CDK14: variants seen among roughly 807,000 people sequenced by gnomAD.
CDK14 encodes cyclin dependent kinase 14.
Under a neutral mutation model 60.7 loss-of-function variants are expected in CDK14, and 34 were observed. That is an observed-to-expected ratio of 0.56 (90% confidence interval 0.43 to 0.75). CDK14 has a LOEUF of 0.75. CDK14 is among the 30% of genes least tolerant of loss of function. The pLI, the probability that CDK14 is intolerant of heterozygous loss-of-function variation, is 0.00. For synonymous variants in CDK14, 197 were observed against 203.7 expected, an observed-to-expected ratio of 0.97 and a Z score of 0.28; for missense variants, 482 against 564.1, an observed-to-expected ratio of 0.85 and a Z score of 1.47.
intron 6 of CDK14, among the ~76,000 whole-genome samples, chr7:90,871,590 T>C (rs1281361899): frequency 6.6e-6 from 1 of 152,244 alleles, no homozygotes; most frequent in African/African-American, 2.4e-5. Flanking sequence ...TATGTTCACT[T>C]CTTTGAAATA....
intron 2 of CDK14, among the ~76,000 whole-genome samples, chr7:90,654,829 T>C (rs1045129864): frequency 2.6e-5 from 4 of 152,212 alleles, no homozygotes; most frequent in African/African-American, 9.7e-5. Flanking sequence ...ATTGACTCAC[T>C]ATTATTAACT....
At chr7:90,638,414 T>C (rs1312487706) in intron 2 of CDK14, among the ~76,000 whole-genome samples, 2 of 152,240 alleles carry the variant, frequency 1.3e-5, no homozygotes, top group African/African-American at 4.8e-5. Context: ...GGATATGAAA[T>C]TCTGGGTTGA....
chr7:90,627,799 A>G (rs1799908012), intron 2 of CDK14, among the ~76,000 whole-genome samples: 3 of 152,194 alleles, frequency 2.0e-5, no homozygotes, highest in Non-Finnish European at 4.4e-5. Context: ...GCTTTGTCTT[A>G]TGGTAGGAGT....
At chr7:90,603,320 T>G (rs1799353804) in intron 1 of CDK14, among the ~76,000 whole-genome samples, 1 of 152,240 alleles carries the variant, frequency 6.6e-6, no homozygotes, top group Non-Finnish European at 1.5e-5. Context: ...CAGTCACGCA[T>G]ACTTGATGGT....
chr7:90,681,364 A>G (rs1352317080), intron 2 of CDK14, among the ~76,000 whole-genome samples: 9 of 152,164 alleles, frequency 5.9e-5, no homozygotes, highest in Non-Finnish European at 1.3e-4. Flanking sequence ...TTTGAGACAA[A>G]TATTTCCATT....
chr7:91,039,417 A>G (rs1797024239), intron 10 of CDK14, among the ~76,000 whole-genome samples: 1 of 152,206 alleles, frequency 6.6e-6, no homozygotes, highest in Admixed American at 6.5e-5. Context: ...TTAACAGTTG[A>G]ACAACATGTA....
At chr7:90,741,433 TA>T (rs1803339851) in intron 3 of CDK14, among the ~76,000 whole-genome samples, 1 of 152,118 alleles carries the variant, frequency 6.6e-6, no homozygotes, top group Non-Finnish European at 1.5e-5. Context: ...ACACATAAAT[TA>T]AGTTCTTTTT....
chr7:90,990,799 C>T (rs1795510491), intron 10 of CDK14, among the ~76,000 whole-genome samples: 1 of 152,148 alleles, frequency 6.6e-6, no homozygotes, highest in Non-Finnish European at 1.5e-5. Context: ...GAAACTCCAA[C>T]ATTTCTGTAT....
At chr7:91,083,271 TCTAAAGCAGACA>T (rs1180729218) in intron 12 of CDK14, among the ~76,000 whole-genome samples, 3 of 152,182 alleles carry the variant, frequency 2.0e-5, no homozygotes, top group African/African-American at 7.2e-5. Context: ...ATGGATAAAC[TCTAAAGCAGACA>T]CTAAAGCAGA....
At chr7:90,599,875 T>G (rs942077218) in intron 1 of CDK14, among the ~76,000 whole-genome samples, 2 of 152,364 alleles carry the variant, frequency 1.3e-5, no homozygotes. Flanking sequence ...AGGAAATATT[T>G]GAAAGTATCT....
intron 5 of CDK14, among the ~76,000 whole-genome samples, chr7:90,809,310 C>A (rs530016505): frequency 4.7e-4 from 71 of 152,198 alleles, no homozygotes; most frequent in Non-Finnish European, 8.2e-4. Flanking sequence ...ACTCAGGATT[C>A]AGAAACTCAC....
chr7:90,607,184 G>A (rs1212809852), intron 2 of CDK14, among the ~76,000 whole-genome samples: 6 of 152,162 alleles, frequency 3.9e-5, no homozygotes, highest in Non-Finnish European at 8.8e-5. Flanking sequence ...GTTCTTCTGT[G>A]ATCATTTTCA....
chr7:91,205,043 A>G (rs1176070679), intron 14 of CDK14, among the ~76,000 whole-genome samples: 1 of 152,132 alleles, frequency 6.6e-6, no homozygotes, highest in Non-Finnish European at 1.5e-5. Context: ...TTTTTTAAAC[A>G]AACAAATGTT....
chr7:91,004,538 T>C (rs1795928103), intron 10 of CDK14, among the ~76,000 whole-genome samples: 1 of 152,188 alleles, frequency 6.6e-6, no homozygotes, highest in African/African-American at 2.4e-5. Context: ...ACAAAGCCAG[T>C]ATTAAAATTT....
chr7:91,119,842 AAG>A (rs756375273), intron 14 of CDK14, among the ~76,000 whole-genome samples: 30 of 152,184 alleles, frequency 2.0e-4, no homozygotes, highest in Non-Finnish European at 4.0e-4. Context: ...CTCCATAGGT[AAG>A]AGTCTTCATT....
intron 5 of CDK14, among the ~76,000 whole-genome samples, chr7:90,808,923 A>T (rs977020444): frequency 6.6e-6 from 1 of 152,230 alleles, no homozygotes; most frequent in Non-Finnish European, 1.5e-5. Context: ...AGAGCTAATT[A>T]TCCTAAATAT....
At position 91,198,567 on chromosome 7, in the gene CDK14, G is replaced by A. The variant is rs189337973; in HGVS notation, c.*29-8598G>A. Among the ~76,000 whole-genome samples, 309 of 152,320 alleles carry A rather than the reference G, an allele frequency of 2.0e-3. 3 individuals are homozygous for A. Among genetic ancestry groups the A allele is most frequent in the African/African-American group, 7.0e-3 (291 of 41,564 alleles). ...ACTGTATTTATGTATCTTGCTCATG[G>A]CTGCTGTTACTTGGTGACTCAAAAT... On this transcript the variant is annotated intron_variant, in intron 14 of 14. Coordinates refer to ENST00000380050, the MANE Select transcript of CDK14 (RefSeq NM_001287135.2).
rs184950727 is a variant in CDK14, at chr7:90,974,059, C to T, written c.948-10089C>T. Among the ~76,000 whole-genome samples the T allele has an allele frequency of 2.6e-5, 4 of 152,162 alleles. No individual in the cohort carries two copies. In the East Asian group the frequency reaches 5.8e-4, roughly 22 times the overall value. ...TCCCAGAGCAGCCGTCTATAGACCT[C>T]CCCCCAGGAATGCATTCCTTCGCTA... is the stretch of plus-strand genomic sequence containing the variant. On this transcript the variant is annotated intron_variant, in intron 9 of 14. Transcript: ENST00000380050.
At chr7:90,930,823 C>T (rs1483701881) in intron 8 of CDK14, among the ~76,000 whole-genome samples, 2 of 152,024 alleles carry the variant, frequency 1.3e-5, no homozygotes, top group East Asian at 3.9e-4. Flanking sequence ...GGTCTCATTA[C>T]CCCCTCTTTA....
Sources: allele counts gnomAD v4.1 joint callset (sites outside exome capture counted in the v4.1 genomes callset), GRCh38; gene constraint gnomAD v4.1.1; transcripts MANE v1.5; gene names NCBI Gene and HGNC (gene_info 2026-07-23, HGNC 2026-07-21).